Variants in RTL1 observed in about 807,000 individuals in gnomAD.
RTL1 encodes the protein retrotransposon Gag like 1.
For missense variants in RTL1, 1,681 were observed against 1,767.5 expected, an observed-to-expected ratio of 0.95 and a Z score of 0.88; for synonymous variants, 727 against 748.4, an observed-to-expected ratio of 0.97 and a Z score of 0.47.
chr14:100,902,285 C>CT (rs766711878), intron 2 of RTL1, among the ~76,000 whole-genome samples: 13 of 152,338 alleles, frequency 8.5e-5, no homozygotes, highest in Middle Eastern at 3.4e-3. Context: ...CAGTCCTCTC[C>CT]TTTCTGTGCT....
At chr14:100,897,167 G>A (rs188962565) in intron 2 of RTL1, among the ~76,000 whole-genome samples, 5 of 152,202 alleles carry the variant, frequency 3.3e-5, no homozygotes, top group East Asian at 3.9e-4. Flanking sequence ...ACATATTCGC[G>A]ATAAAATAAA....
At chr14:100,889,945 G>C (rs949163775) in intron 3 of RTL1, among the ~76,000 whole-genome samples, 1 of 152,134 alleles carries the variant, frequency 6.6e-6, no homozygotes, top group Non-Finnish European at 1.5e-5. Flanking sequence ...CCTGGGCCCT[G>C]CCTCTTCTCT....
rs577486680 is a variant in RTL1, at chr14:100,893,843, C to T, written c.-148-338G>A. 1.3e-4 allele frequency among the ~76,000 whole-genome samples: 20 copies of T among 152,310 alleles called. No homozygotes were observed. The South Asian group carries it at 2.3e-3, about 17-fold the overall frequency. ...TGGGACCTACACCCACCCTCACACC[C>T]GGGCCCACGCTCACTTTAATAACCC... is the stretch of plus-strand genomic sequence containing the variant. On this transcript the variant is annotated intron_variant, in intron 2 of 3. Coordinates refer to ENST00000649591, the MANE Select transcript of RTL1 (RefSeq NM_001134888.3). This position sits in a 1 kb window ranked among gnomAD's most constrained non-coding sequence, Gnocchi z 4.2.
chr14:100,881,537 C>T lies in RTL1; in HGVS notation c.3252G>A (p.Leu1084=). The part of the protein sequence containing the change: ...AVILHFFRGL[L]YWKNTLALAA... Reference sequence around the variant, plus strand: ...CCAGGGCTAGGGTGTTCTTCCAGTACAGGAGGCCTCGGAAGAAGTGCAGAA... The same window carrying T: ...CCAGGGCTAGGGTGTTCTTCCAGTATAGGAGGCCTCGGAAGAAGTGCAGAA... The change falls in exon 4 of 4, where the codon CTG becomes CTA. Residue 1084 remains leucine (L), a synonymous_variant. Coordinates refer to ENST00000649591, the MANE Select transcript of RTL1 (RefSeq NM_001134888.3). The surrounding 1 kb of genome is among the most constrained non-coding windows in gnomAD (Gnocchi z 6.6). The T allele has an allele frequency of 6.4e-7, 1 of 1,551,732 alleles. No individual in the cohort carries two copies. The highest frequency in any genetic ancestry group is 2.4e-5 in the East Asian group (1 of 40,906).
rs1302140026 is a variant in RTL1, at chr14:100,881,324, T to C, written c.3465A>G (p.Ala1155=). The part of the protein sequence containing the change: ...LLTQMPALVG[A]NTIPAQELAE... ...CCAGCTCCTGGGCTGGGATGGTGTTTGCACCTACGAGAGCGGGCATCTGGG... is the reference window on the plus strand; with the variant it reads ...CCAGCTCCTGGGCTGGGATGGTGTTCGCACCTACGAGAGCGGGCATCTGGG... The change falls in exon 4 of 4, where the codon GCA becomes GCG. Residue 1155 remains alanine, a synonymous_variant. Transcript: ENST00000649591. The surrounding 1 kb of genome is among the most constrained non-coding windows in gnomAD (Gnocchi z 6.6). The C allele has an allele frequency of 3.9e-6, 6 of 1,550,466 alleles. No individual in the cohort carries two copies. In the South Asian group the frequency reaches 5.9e-5, roughly 15 times the overall value.
chr14:100,881,439 C>A lies in RTL1; in HGVS notation c.3350G>T (p.Arg1117Leu). The A allele has an allele frequency of 6.4e-7, 1 of 1,550,732 alleles. No individual in the cohort carries two copies. Among genetic ancestry groups the A allele is most frequent in the East Asian group, 2.4e-5 (1 of 40,902 alleles). Residue 1117 changes from arginine (R) to leucine (L), a missense_variant, in exon 4 of 4, where the codon CGG becomes CTG. Arg to Leu is a moderately radical substitution (Grantham distance 102). Coordinates refer to ENST00000649591, the MANE Select transcript of RTL1 (RefSeq NM_001134888.3). The surrounding 1 kb of genome is among the most constrained non-coding windows in gnomAD (Gnocchi z 6.6). Reference sequence around the variant, plus strand: ...TCGTAGGGAGCGCTGGGGCTGGGGCCGAGCCACCCGCATGGCGGGTGCCGG... The same window carrying A: ...TCGTAGGGAGCGCTGGGGCTGGGGCAGAGCCACCCGCATGGCGGGTGCCGG... ...LRPAPAMRVARPQPQRSLRLI... is the reference protein window; with the variant it reads ...LRPAPAMRVALPQPQRSLRLI...
In RTL1 at chr14:100,881,563, T is replaced by C; in HGVS notation, c.3226A>G (p.Ile1076Val). Residue 1076 changes from isoleucine (I) to valine (V), a missense_variant, in exon 4 of 4, where the codon ATT becomes GTT. Transcript: ENST00000649591. The surrounding 1 kb of genome is among the most constrained non-coding windows in gnomAD (Gnocchi z 6.6). ...HFSMAQIRAV[I>V]LHFFRGLLYW... ...AGGAGGCCTCGGAAGAAGTGCAGAA[T>C]GACGGCCCTGATCTGGGCCATGCTG... 1 of 1,551,734 alleles carries C rather than the reference T, an allele frequency of 6.4e-7. No individual in the cohort carries two copies. Among genetic ancestry groups the C allele is most frequent in the Non-Finnish European group, 8.7e-7 (1 of 1,147,012 alleles).
In RTL1 at chr14:100,882,599, A is replaced by T. The variant is rs2038633973; in HGVS notation, c.2190T>A (p.Ser730=). 6.4e-7 allele frequency: 1 copy of T among 1,551,780 alleles called. No individual in the cohort carries two copies. Among genetic ancestry groups the T allele is most frequent in the Non-Finnish European group, 8.7e-7 (1 of 1,147,022 alleles). The part of the protein sequence containing the change: ...LKDMLGFFVL[S]YGQEVLIYSM... ...AGTAGATCAGGACTTCCTGGCCATA[A>T]GAAAGCACAAAGAACCCTAGCATGT... Residue 730 remains serine, a synonymous_variant, in exon 4 of 4, where the codon TCT becomes TCA. Transcript: ENST00000649591.
At chr14:100,884,995 GA>G (rs1412230766) in intron 3 of RTL1, 121 bp from the exon 4 acceptor site, 5 of 496,836 alleles carry the variant, frequency 1.0e-5, no homozygotes, top group Non-Finnish European at 1.7e-5. Context: ...AGAAATGGGG[GA>G]AAGCCTTCTT....
At position 100,883,818 on chromosome 14, in the gene RTL1, G is replaced by A; in HGVS notation, c.971C>T (p.Ala324Val). ...CTCGTTGAGCCCCTGGCACAAGTGG[G>A]CCTGCAGGACTTCATCTGGCCAGCC... The part of the protein sequence containing the change: ...ILGWPDEVLQ[A>V]HLCQGLNEEI... The change falls in exon 4 of 4, where the codon GCC becomes GTC. Residue 324 changes from alanine to valine, a missense_variant. By Grantham distance (64) the Ala-to-Val change is moderately conservative. Coordinates refer to ENST00000649591, the MANE Select transcript of RTL1 (RefSeq NM_001134888.3). This position sits in a 1 kb window ranked among gnomAD's most constrained non-coding sequence, Gnocchi z 5.9. 1.9e-6 allele frequency: 3 copies of A among 1,551,636 alleles called. No homozygotes were observed. The highest frequency in any genetic ancestry group is 2.6e-6 in the Non-Finnish European group (3 of 1,146,990).
rs775618332 is a variant in RTL1, at chr14:100,882,466, C to T, written c.2323G>A (p.Val775Met). Residue 775 changes from valine to methionine, a missense_variant, in exon 4 of 4, where the codon GTG (valine) becomes ATG (methionine). Physicochemically the swap from Val to Met is conservative, Grantham distance 21. Transcript: ENST00000649591. The part of the protein sequence containing the change: ...LDKSQFHRQT[V>M]EFLGFVVTPK... ...GTGACGACGAAGCCCAGGAATTCCA[C>T]GGTTTGGCGGTGGAACTGGCTCTTG... 17 of 1,551,938 alleles carry T rather than the reference C, an allele frequency of 1.1e-5. No homozygotes were observed. The highest frequency in any genetic ancestry group is 3.3e-4 in the Middle Eastern group (2 of 6,018).
chr14:100,884,130 C>T lies in RTL1; in HGVS notation c.659G>A (p.Cys220Tyr). 1.9e-6 allele frequency: 3 copies of T among 1,551,734 alleles called. No individual in the cohort carries two copies. Among genetic ancestry groups the T allele is most frequent in the Non-Finnish European group, 2.6e-6 (3 of 1,147,010 alleles). Residue 220 changes from cysteine to tyrosine, a missense_variant, in exon 4 of 4, where the codon TGC (cysteine) becomes TAC (tyrosine). By Grantham distance (194) the Cys-to-Tyr change is radical. Coordinates refer to ENST00000649591, the MANE Select transcript of RTL1 (RefSeq NM_001134888.3). ...RREFHEFIVL[C>Y]QLTLQSYPRM... The stretch of plus-strand genomic sequence containing the variant: ...TGGGTAGCTCTGTAAGGTCAGTTGG[C>T]AGAGTACGATGAACTCGTGGAATTC...
rs1300858046 is a variant in RTL1, at chr14:100,883,392, A to T, written c.1397T>A (p.Leu466Gln). ...GAGCCAGACAGGCTCGTTGCCAATC[A>T]GCGAGCCGTCCACGGATTGGACCGG... ...PQPVQSVDGS[L>Q]IGNEPVWLYT... Residue 466 changes from leucine (L) to glutamine (Q), a missense_variant, in exon 4 of 4, where the codon CTG (leucine) becomes CAG (glutamine). Coordinates refer to ENST00000649591, the MANE Select transcript of RTL1 (RefSeq NM_001134888.3). This position sits in a 1 kb window ranked among gnomAD's most constrained non-coding sequence, Gnocchi z 5.9. The T allele has an allele frequency of 1.3e-6, 2 of 1,550,628 alleles. No homozygotes were observed. The highest frequency in any genetic ancestry group is 1.7e-6 in the Non-Finnish European group (2 of 1,146,286).
rs1364005221 is a variant in RTL1, at chr14:100,883,795, C to T, written c.994G>A (p.Glu332Lys). 1.9e-6 allele frequency: 3 copies of T among 1,551,682 alleles called. No homozygotes were observed. In the African/African-American group the frequency reaches 4.1e-5, roughly 21 times the overall value. The change falls in exon 4 of 4, where the codon GAG becomes AAG. Residue 332 changes from glutamate to lysine, a missense_variant. By Grantham distance (56) the Glu-to-Lys change is moderately conservative (BLOSUM62 1). Transcript: ENST00000649591. This position sits in a 1 kb window ranked among gnomAD's most constrained non-coding sequence, Gnocchi z 5.9. ...CGGAATAGATAGTGCCTGATCTCCT[C>T]GTTGAGCCCCTGGCACAAGTGGGCC... is the stretch of plus-strand genomic sequence containing the variant. ...LQAHLCQGLN[E>K]EIRHYLFRVP...
At chr14:100,890,734 G>A (rs1196950439) in intron 3 of RTL1, among the ~76,000 whole-genome samples, 1 of 152,074 alleles carries the variant, frequency 6.6e-6, no homozygotes, top group Non-Finnish European at 1.5e-5. Flanking sequence ...GGTGCTCAGA[G>A]CTCCTTGGGT....
In RTL1 at chr14:100,879,809, G is replaced by A. The variant is rs1269750051; in HGVS notation, c.*903C>T. 2.6e-5 allele frequency among the ~76,000 whole-genome samples: 4 copies of A among 151,256 alleles called. No individual in the cohort carries two copies. Among genetic ancestry groups the A allele is most frequent in the Admixed American group, 6.6e-5 (1 of 15,242 alleles). On this transcript the variant is annotated 3_prime_UTR_variant, in exon 4 of 4. Transcript: ENST00000649591. Reference sequence around the variant, plus strand: ...AAAAGATTGGGGGGTGAGAAAGCTCGGGGGGTGGGGAAGGGTCTACTCCCC... The same window carrying A: ...AAAAGATTGGGGGGTGAGAAAGCTCAGGGGGTGGGGAAGGGTCTACTCCCC...
At position 100,883,664 on chromosome 14, in the gene RTL1, G is replaced by A; in HGVS notation, c.1125C>T (p.Arg375=). 2.6e-6 allele frequency: 4 copies of A among 1,551,574 alleles called. No homozygotes were observed. The highest frequency in any genetic ancestry group is 3.5e-6 in the Non-Finnish European group (4 of 1,146,986). ...AGTCGATCCAGGTCAGGTTCCGGGG[G>A]CGGGCCTCGGGGGGCAGCCTGAGCA... ...RAMLRLPPEA[R]PRNLTWIDSP... Residue 375 remains arginine, a synonymous_variant, in exon 4 of 4, where the codon CGC becomes CGT. Coordinates refer to ENST00000649591, the MANE Select transcript of RTL1 (RefSeq NM_001134888.3). This position sits in a 1 kb window ranked among gnomAD's most constrained non-coding sequence, Gnocchi z 5.9.
Position 100,879,995 on chromosome 14 carries a change from G to A in RTL1, c.*717C>T, listed in dbSNP as rs1394169736. Reference sequence around the variant, plus strand: ...GGAAAGGCGCCCCAAGGCATGCAGGGGCCCTCTTTGCTGTGCAAGTCTGGT... The same window carrying A: ...GGAAAGGCGCCCCAAGGCATGCAGGAGCCCTCTTTGCTGTGCAAGTCTGGT... On this transcript the variant is annotated 3_prime_UTR_variant, in exon 4 of 4. Coordinates refer to ENST00000649591, the MANE Select transcript of RTL1 (RefSeq NM_001134888.3). Among the ~76,000 whole-genome samples the A allele has an allele frequency of 6.6e-6, 1 of 151,840 alleles. No homozygotes were observed. Among genetic ancestry groups the A allele is most frequent in the Admixed American group, 6.6e-5 (1 of 15,242 alleles).
rs1009467459 is a variant in RTL1 at position 100,883,672 on chromosome 14, C to T, written c.1117G>A (p.Glu373Lys). 1.4e-5 allele frequency: 22 copies of T among 1,551,366 alleles called. No homozygotes were observed. Among genetic ancestry groups the T allele is most frequent in the Admixed American group, 3.9e-5 (2 of 50,988 alleles). The change falls in exon 4 of 4, where the codon GAG (glutamate) becomes AAG (lysine). Residue 373 changes from glutamate (E) to lysine (K), a missense_variant. By Grantham distance (56) the Glu-to-Lys change is moderately conservative. Coordinates refer to ENST00000649591, the MANE Select transcript of RTL1 (RefSeq NM_001134888.3). The surrounding 1 kb of genome is among the most constrained non-coding windows in gnomAD (Gnocchi z 5.9). ...ERRAMLRLPP[E>K]ARPRNLTWID... is the part of the protein sequence containing the mutation. ...CAGGTCAGGTTCCGGGGGCGGGCCT[C>T]GGGGGGCAGCCTGAGCATAGCTCTT... is the stretch of plus-strand genomic sequence containing the variant.
Sources: gnomAD v4.1 joint callset for allele counts (sites outside exome capture counted in the v4.1 genomes callset) on GRCh38, gnomAD v4.1.1 for gene constraint, Gnocchi (gnomAD v3.1) non-coding constraint, MANE v1.5 for transcripts, NCBI Gene and HGNC (gene_info 2026-07-23, HGNC 2026-07-21) for gene names.